CSMD1: variants seen among roughly 807,000 people sequenced by gnomAD.
CSMD1 encodes the protein CUB and Sushi multiple domains 1.
In CSMD1, 213 loss-of-function variants were observed where a neutral mutation model predicts 417.5. The ratio of observed to expected loss-of-function variants is 0.51; its 90% CI spans 0.46 to 0.57. The LOEUF is 0.57. Among genes scored for constraint, CSMD1 ranks in the 20% least tolerant of loss-of-function variants. The pLI, the probability that CSMD1 is intolerant of heterozygous loss-of-function variation, is 0.00. For missense variants in CSMD1, 6,923 were observed against 4,529.7 expected (o/e 1.53, Z -15.17); for synonymous variants, 2,862 against 1,736.8 (o/e 1.65, Z -16.11).
At chr8:4,973,264 G>C (rs1290142037) in intron 1 of CSMD1, among the ~76,000 whole-genome samples, 1 of 152,086 alleles carries the variant, frequency 6.6e-6, no homozygotes, top group African/African-American at 2.4e-5. Context: ...TTGAGGGCAG[G>C]GACTTTATCT....
rs567739035 is a variant in CSMD1, at chr8:3,991,078, G to A, written c.818+6825C>T. ...CAGCATCTTTCCCAGAAATTCCTTC[G>A]CTGCCCAGCGGCTTCATCCCTGGCC... On this transcript the variant is annotated intron_variant, in intron 5 of 69. Coordinates refer to ENST00000635120, the MANE Select transcript of CSMD1 (RefSeq NM_033225.6). Among the ~76,000 whole-genome samples the A allele has an allele frequency of 1.9e-4, 29 of 152,224 alleles. 1 individual carries two copies. Among genetic ancestry groups the A allele is most frequent in the Non-Finnish European group, 2.9e-4 (20 of 68,004 alleles).
chr8:4,593,483 AG>A (rs1563317557), intron 2 of CSMD1, among the ~76,000 whole-genome samples: 2 of 152,202 alleles, frequency 1.3e-5, no homozygotes, highest in African/African-American at 2.4e-5. Context: ...AACATAAAAG[AG>A]AACGCTTTTA....
chr8:3,022,340 G>A (rs1585169976), intron 51 of CSMD1, among the ~76,000 whole-genome samples: 2 of 148,036 alleles, frequency 1.4e-5, no homozygotes, highest in South Asian at 2.2e-4. Context: ...CACAGCATCC[G>A]GAATGCACCC....
intron 12 of CSMD1, among the ~76,000 whole-genome samples, chr8:3,436,333 A>T (rs1814563280): frequency 6.6e-6 from 1 of 152,232 alleles, no homozygotes; most frequent in South Asian, 2.1e-4. Context: ...CTTAGAAGCC[A>T]TGAGACAGGT....
chr8:3,466,513 G>A (rs564670812), intron 12 of CSMD1, among the ~76,000 whole-genome samples: 3 of 151,218 alleles, frequency 2.0e-5, no homozygotes, highest in East Asian at 1.9e-4. Flanking sequence ...GGGTTCAAGC[G>A]ATTCTTCTGC....
At chr8:3,836,027 T>C (rs114451975) in intron 5 of CSMD1, among the ~76,000 whole-genome samples, 3,017 of 152,228 alleles carry the variant, frequency 0.02, 109 homozygotes, top group African/African-American at 0.069. Flanking sequence ...ATTTTCTGTT[T>C]CATTAGCTTT....
chr8:4,106,611 T>C (rs1801581393), intron 3 of CSMD1, among the ~76,000 whole-genome samples: 1 of 152,242 alleles, frequency 6.6e-6, no homozygotes, highest in Non-Finnish European at 1.5e-5. Flanking sequence ...GAATATATTT[T>C]ATTCACCAAA....
rs553234620 is a variant in CSMD1, at chr8:4,921,101, GAAGA to G, written c.85+73227_85+73230del. Among the ~76,000 whole-genome samples the G allele has an allele frequency of 1.6e-3, 236 of 150,650 alleles. 4 individuals carry two copies. In the South Asian group the frequency reaches 0.022, roughly 14 times the overall value. On this transcript the variant is annotated intron_variant, in intron 1 of 69. Coordinates refer to ENST00000635120, the MANE Select transcript of CSMD1 (RefSeq NM_033225.6). ...AAAAGAAAGAAAGAAAAAGAAAAAA[GAAGA>G]AAGAAAGAAAGAAAAGAAAAGAAAG...
chr8:4,809,631 G>A (rs2117326248), intron 1 of CSMD1, among the ~76,000 whole-genome samples: 1 of 152,236 alleles, frequency 6.6e-6, no homozygotes. Flanking sequence ...TAATATGCAA[G>A]CCACATATGT....
At chr8:3,210,479 T>C (rs1161061790) in intron 30 of CSMD1, among the ~76,000 whole-genome samples, 1 of 148,924 alleles carries the variant, frequency 6.7e-6, no homozygotes, top group Non-Finnish European at 1.5e-5. Context: ...AATATACATA[T>C]ATAGGAATAT....
At chr8:4,230,067 G>A (rs568829540) in intron 3 of CSMD1, among the ~76,000 whole-genome samples, 63 of 152,274 alleles carry the variant, frequency 4.1e-4, no homozygotes, top group African/African-American at 1.5e-3. Context: ...GTGCACTCAG[G>A]TGTGTATACA....
chr8:4,422,142 A>C (rs981604306), intron 2 of CSMD1, among the ~76,000 whole-genome samples: 7 of 152,160 alleles, frequency 4.6e-5, no homozygotes, highest in Non-Finnish European at 2.9e-5. Context: ...AACTTTCCCC[A>C]AATTTCCAGT....
rs374145826 is a variant in CSMD1 at position 4,202,641 on chromosome 8, C to T, written c.416-170542G>A. ...ATGGTGGATATTGTAAATTTCCTCT[C>T]GAATACAACCAACCCTGTAGCTACA... On this transcript the variant is annotated intron_variant, in intron 3 of 69. Transcript: ENST00000635120. Among the ~76,000 whole-genome samples the T allele has an allele frequency of 1.2e-3, 189 of 152,230 alleles. No individual in the cohort carries two copies. The Middle Eastern group carries it at 0.02, about 16-fold the overall frequency.
intron 10 of CSMD1, among the ~76,000 whole-genome samples, chr8:3,517,000 C>T (rs1797308206): frequency 1.3e-5 from 2 of 152,126 alleles, no homozygotes; most frequent in African/African-American, 4.8e-5. Context: ...AAACAGGGCA[C>T]TGGTTAGGTG....
intron 5 of CSMD1, among the ~76,000 whole-genome samples, chr8:3,917,909 T>G (rs1808936716): frequency 6.6e-6 from 1 of 152,164 alleles, no homozygotes; most frequent in Non-Finnish European, 1.5e-5. Flanking sequence ...AATTTAAAGT[T>G]CTCAGTGTGT....
chr8:3,858,400 G>A (rs570045680), intron 5 of CSMD1, among the ~76,000 whole-genome samples: 1 of 151,990 alleles, frequency 6.6e-6, no homozygotes. Flanking sequence ...TGAATTCTAT[G>A]CTGTTTCTTA....
In CSMD1 at chr8:4,850,344, A is replaced by G. The variant is rs972244906; in HGVS notation, c.85+143988T>C. Among the ~76,000 whole-genome samples, 3 of 149,732 alleles carry G rather than the reference A, an allele frequency of 2.0e-5. No homozygotes were observed. In the East Asian group the frequency reaches 5.9e-4, roughly 29 times the overall value. ...TTTTACTGTCTTAATGGTCTCTTTG[A>G]AGAATAAATGTTTTTATTTTGATGA... On this transcript the variant is annotated intron_variant, in intron 1 of 69. Transcript: ENST00000635120.
intron 3 of CSMD1, among the ~76,000 whole-genome samples, chr8:4,036,249 G>A (rs1259992478): frequency 6.6e-6 from 1 of 152,174 alleles, no homozygotes; most frequent in African/African-American, 2.4e-5. Context: ...GTTAAGTCAT[G>A]CATGACTGCA....
At chr8:4,819,814 G>C (rs1489197456) in intron 1 of CSMD1, among the ~76,000 whole-genome samples, 2 of 152,058 alleles carry the variant, frequency 1.3e-5, no homozygotes. Context: ...TTTGGGTGTG[G>C]AGGTTCCATT....
Sources: allele counts gnomAD v4.1 joint callset (sites outside exome capture counted in the v4.1 genomes callset), GRCh38; gene constraint gnomAD v4.1.1; transcripts MANE v1.5; gene names NCBI Gene and HGNC (gene_info 2026-07-23, HGNC 2026-07-21).